The following CHD7 variants were observed in gnomAD, a reference collection of about 807,000 sequenced individuals.
CHD7 encodes chromodomain helicase DNA binding protein 7.
In CHD7, 24 loss-of-function variants were observed where a neutral mutation model predicts 307.3. The ratio of observed to expected loss-of-function variants is 0.08; its 90% CI spans 0.06 to 0.11. CHD7 has a LOEUF of 0.11. Ranked by LOEUF, CHD7 falls within the 10% of genes least tolerant of loss-of-function variation. The pLI is 1.00. For synonymous variants in CHD7, 1,363 were observed against 1,349.9 expected, an observed-to-expected ratio of 1.01 and a Z score of -0.21; for missense variants, 3,106 against 3,727.1, an observed-to-expected ratio of 0.83 and a Z score of 4.34.
chr8:60,803,655 A>G (rs1005084686), intron 6 of CHD7, among the ~76,000 whole-genome samples: 1 of 152,218 alleles, frequency 6.6e-6, no homozygotes, highest in Non-Finnish European at 1.5e-5. Context: ...AGCTCATGGA[A>G]TTGCTTGTCA....
intron 23 of CHD7, among the ~76,000 whole-genome samples, chr8:60,848,224 A>C (rs2150799742): frequency 6.6e-6 from 1 of 152,330 alleles, no homozygotes; most frequent in African/African-American, 2.4e-5. Flanking sequence ...TACGTGTCTA[A>C]ACTTCACAAG....
intron 1 of CHD7, among the ~76,000 whole-genome samples, chr8:60,711,244 A>G (rs1051659553): frequency 6.6e-6 from 1 of 152,240 alleles, no homozygotes; most frequent in African/African-American, 2.4e-5. Flanking sequence ...TTATAGTCCC[A>G]CATCACAATT....
intron 1 of CHD7, among the ~76,000 whole-genome samples, chr8:60,721,780 C>CT (rs1309489942): frequency 4.6e-5 from 7 of 152,190 alleles, no homozygotes; most frequent in African/African-American, 1.7e-4. Flanking sequence ...CAGGCAAGCG[C>CT]TGGGAGACTT....
chr8:60,830,293 A>G (rs770665166), intron 14 of CHD7, 29 bp from the exon 15 acceptor site: 12 of 1,597,042 alleles, frequency 7.5e-6, no homozygotes, highest in African/African-American at 1.4e-5. Context: ...AAATCATGAC[A>G]CTAGTATTTA....
In CHD7 at chr8:60,865,951, T is replaced by A. The variant is rs1330503724; in HGVS notation, c.*18T>A. ...ATGAATAACCAGTACCAGTTCCAGT[T>A]CAAGTGTTTAAAACTTTTGACAAGT... On this transcript the variant is annotated 3_prime_UTR_variant, in exon 38 of 38. Transcript: ENST00000423902. The surrounding 1 kb of genome is among the most constrained non-coding windows in gnomAD (Gnocchi z 4.3). The A allele has an allele frequency of 6.3e-7, 1 of 1,577,278 alleles. No homozygotes were observed. The highest frequency in any genetic ancestry group is 8.6e-7 in the Non-Finnish European group (1 of 1,160,294).
At chr8:60,814,727 T>C (rs1803648538) in intron 7 of CHD7, among the ~76,000 whole-genome samples, 2 of 152,192 alleles carry the variant, frequency 1.3e-5, no homozygotes. Flanking sequence ...ATTATGACAG[T>C]ATTGCATATT....
intron 1 of CHD7, among the ~76,000 whole-genome samples, chr8:60,734,349 A>T (rs1808600556): frequency 6.6e-6 from 1 of 152,174 alleles, no homozygotes; most frequent in African/African-American, 2.4e-5. Context: ...CGGGGGTGCC[A>T]GGGGTCCTGT....
chr8:60,714,383 G>A lies in CHD7; in HGVS notation c.-174-26876G>A, dbSNP rs139857999. The stretch of plus-strand genomic sequence containing the variant: ...CGGAAGGCCGAGCCCCACCTGGCCT[G>A]ACAACATGGCGGCCGGGAGAAGGCC... On this transcript the variant is annotated intron_variant, in intron 1 of 37. Coordinates refer to ENST00000423902, the MANE Select transcript of CHD7 (RefSeq NM_017780.4). Among the ~76,000 whole-genome samples, 408 of 125,508 alleles carry A rather than the reference G, an allele frequency of 3.3e-3. 4 individuals are homozygous for A. Among genetic ancestry groups the A allele is most frequent in the African/African-American group, 0.012 (394 of 33,042 alleles). The allele number at this position is 125,508 out of a possible 152,430, so 82.3% of individuals were successfully genotyped here. A position where few individuals can be genotyped will look rare whatever the true frequency, so the allele number is the denominator to read the frequency against.
chr8:60,850,696 C>T (rs1805414105), intron 26 of CHD7, 74 bp downstream of exon 26: 1 of 1,431,468 alleles, frequency 7.0e-7, no homozygotes, highest in Admixed American at 2.0e-5. Context: ...CAGTTCTTAC[C>T]CTGCAGTACA....
intron 2 of CHD7, among the ~76,000 whole-genome samples, chr8:60,778,561 G>A (rs997046754): frequency 1.3e-5 from 2 of 152,268 alleles, no homozygotes; most frequent in African/African-American, 4.8e-5. Context: ...AGAAGCTGGT[G>A]TTCTGTTACT....
At chr8:60,837,918 G>A in intron 18 of CHD7, 83 bp downstream of exon 18, 1 of 1,380,472 alleles carries the variant, frequency 7.2e-7, no homozygotes, top group South Asian at 1.5e-5. Context: ...CTCAGCCTTT[G>A]ATTATTTTTC....
At chr8:60,746,757 A>G (rs1174519689) in intron 2 of CHD7, among the ~76,000 whole-genome samples, 1 of 152,244 alleles carries the variant, frequency 6.6e-6, no homozygotes, top group Non-Finnish European at 1.5e-5. Context: ...ACAAAGAAAA[A>G]TGTTAGAACA....
intron 9 of CHD7, 144 bp downstream of exon 9, chr8:60,820,234 GATTT>G: frequency 2.2e-6 from 1 of 463,712 alleles, no homozygotes; most frequent in Non-Finnish European, 3.9e-6. Context: ...GAAACTTAAT[GATTT>G]ATTATTAGTT....
In CHD7 at chr8:60,800,502, A is replaced by C. The variant is rs1219165917; in HGVS notation, c.2353A>C (p.Asn785His). 3.1e-6 allele frequency: 5 copies of C among 1,613,666 alleles called. No homozygotes were observed. Among genetic ancestry groups the C allele is most frequent in the African/African-American group, 1.3e-5 (1 of 74,902 alleles). The change falls in exon 5 of 38, where the codon AAC becomes CAC. Residue 785 changes from asparagine (N) to histidine (H), a missense_variant. Physicochemically the swap from Asn to His is moderately conservative, Grantham distance 68 (BLOSUM62 1). This residue lies in a region of CHD7 where 998 missense variants were observed against 1,004.5 expected (regional missense o/e 0.99). Coordinates refer to ENST00000423902, the MANE Select transcript of CHD7 (RefSeq NM_017780.4). ...ADAAGRDSPS[N>H]TSQSEQQESV... is the part of the protein sequence containing the mutation. ...TGCTGCTGGGAGGGATTCCCCCTCC[A>C]ACACCTCCCAGTCAGAACAGCAGGT... is the stretch of plus-strand genomic sequence containing the variant.
At chr8:60,762,964 CAGT>C (rs1810294138) in intron 2 of CHD7, among the ~76,000 whole-genome samples, 1 of 151,590 alleles carries the variant, frequency 6.6e-6, no homozygotes, top group Non-Finnish European at 1.5e-5. Flanking sequence ...GATCACATGA[CAGT>C]AGCACAGAGG....
intron 3 of CHD7, among the ~76,000 whole-genome samples, chr8:60,787,173 TTTC>T (rs1261858479): frequency 6.6e-6 from 1 of 151,986 alleles, no homozygotes; most frequent in Non-Finnish European, 1.5e-5. Flanking sequence ...ATGGTGATAT[TTTC>T]TTCTTTGTTG....
At chr8:60,695,004 AG>A (rs1322187215) in intron 1 of CHD7, among the ~76,000 whole-genome samples, 6 of 152,146 alleles carry the variant, frequency 3.9e-5, no homozygotes, top group South Asian at 2.1e-4. Context: ...GAGGTGGTAG[AG>A]CTTTGGCTAG....
At chr8:60,756,849 C>T (rs897345933) in intron 2 of CHD7, among the ~76,000 whole-genome samples, 1 of 152,146 alleles carries the variant, frequency 6.6e-6, no homozygotes, top group African/African-American at 2.4e-5. Flanking sequence ...TCCTTTAAGT[C>T]ATCAAGTCTA....
intron 1 of CHD7, among the ~76,000 whole-genome samples, chr8:60,739,646 A>C (rs1314977157): frequency 6.6e-6 from 1 of 152,206 alleles, no homozygotes; most frequent in African/African-American, 2.4e-5. Context: ...ACAGGCCTGG[A>C]GACCCTCTCA....
Sources: allele counts gnomAD v4.1 joint callset (sites outside exome capture counted in the v4.1 genomes callset), GRCh38; gene constraint gnomAD v4.1.1; regional missense constraint gnomAD v4.1.1; non-coding constraint Gnocchi (gnomAD v3.1); transcripts MANE v1.5; gene names NCBI Gene and HGNC (gene_info 2026-07-23, HGNC 2026-07-21).